SCHIP1: variants seen among roughly 807,000 people sequenced by gnomAD.
The protein encoded by SCHIP1 is schwannomin interacting protein 1.
In SCHIP1, 8 loss-of-function variants were observed where a neutral mutation model predicts 29.7. The observed-to-expected ratio is 0.27, with a 90% CI of 0.16 to 0.49. SCHIP1 has a LOEUF of 0.49. SCHIP1 is among the 20% of genes least tolerant of loss of function. The probability of loss-of-function intolerance (pLI) is 0.99; values close to 1 mark genes in which losing one functional copy is unlikely to be tolerated. For missense variants in SCHIP1, 193 were observed against 294.6 expected, an observed-to-expected ratio of 0.66 and a Z score of 2.52; for synonymous variants, 76 against 94.9, an observed-to-expected ratio of 0.80 and a Z score of 1.16.
chr3:159,543,367 T>TC, the SCHIP1 span, among the ~76,000 whole-genome samples: 1 of 20,884 alleles, frequency 4.8e-5, no homozygotes, highest in East Asian at 2.1e-3. Context: ...CCCTCCCCCC[T>TC]CCCCCCACCC....
the SCHIP1 span, among the ~76,000 whole-genome samples, chr3:159,570,661 G>A: frequency 1.3e-5 from 2 of 152,130 alleles, no homozygotes; most frequent in Admixed American, 6.6e-5. Flanking sequence ...CTTTAAAGTA[G>A]TTTTTTCCAA....
chr3:159,651,172 A>C, the SCHIP1 span, among the ~76,000 whole-genome samples: 1 of 152,232 alleles, frequency 6.6e-6, no homozygotes, highest in Non-Finnish European at 1.5e-5. Flanking sequence ...AAGGGAAAAT[A>C]TACAATTCAT....
the SCHIP1 span, among the ~76,000 whole-genome samples, chr3:159,315,399 T>C: frequency 1.3e-5 from 2 of 149,374 alleles, no homozygotes; most frequent in East Asian, 1.9e-4. Flanking sequence ...CTTTCTTTTT[T>C]TTTTTTTTTT....
At chr3:159,378,035 T>C in the SCHIP1 span, among the ~76,000 whole-genome samples, 4 of 152,202 alleles carry the variant, frequency 2.6e-5, no homozygotes, top group Non-Finnish European at 5.9e-5. Context: ...GAAGGCAGAA[T>C]TGATGACTCT....
chr3:159,572,849 C>G, the SCHIP1 span, among the ~76,000 whole-genome samples: 1 of 151,846 alleles, frequency 6.6e-6, no homozygotes, highest in Non-Finnish European at 1.5e-5. Flanking sequence ...GAATTGATCC[C>G]TTTACCATTA....
At chr3:159,392,661 C>T in the SCHIP1 span, among the ~76,000 whole-genome samples, 3 of 151,854 alleles carry the variant, frequency 2.0e-5, no homozygotes, top group Admixed American at 1.3e-4. Context: ...TTTATGGCTG[C>T]ATAGTATTCC....
the SCHIP1 span, chr3:159,309,328 T>A: frequency 6.5e-6 from 1 of 154,752 alleles, no homozygotes; most frequent in Admixed American, 6.5e-5. Flanking sequence ...TTATTTAGAC[T>A]CCTGTCACTC....
At chr3:159,337,741 A>T in the SCHIP1 span, among the ~76,000 whole-genome samples, 1 of 152,146 alleles carries the variant, frequency 6.6e-6, no homozygotes, top group Non-Finnish European at 1.5e-5. Flanking sequence ...GAAATCTTTG[A>T]ACATGTTCTC....
chr3:159,448,965 C>T, the SCHIP1 span, among the ~76,000 whole-genome samples: 1 of 152,074 alleles, frequency 6.6e-6, no homozygotes, highest in Non-Finnish European at 1.5e-5. Flanking sequence ...AAATATTGTT[C>T]AACTAAGCTT....
At chr3:159,734,774 T>C in the SCHIP1 span, among the ~76,000 whole-genome samples, 1 of 151,394 alleles carries the variant, frequency 6.6e-6, no homozygotes, top group Non-Finnish European at 1.5e-5. Flanking sequence ...CTATTTCTCA[T>C]TTCTTTTCTT....
At chr3:159,714,031 G>C in the SCHIP1 span, among the ~76,000 whole-genome samples, 1 of 152,172 alleles carries the variant, frequency 6.6e-6, no homozygotes, top group African/African-American at 2.4e-5. Context: ...GAGGTCAGGA[G>C]TTTGAGGCCA....
chr3:159,422,384 A>G, the SCHIP1 span, among the ~76,000 whole-genome samples: 1 of 152,324 alleles, frequency 6.6e-6, no homozygotes, highest in South Asian at 2.1e-4. Context: ...TACACACCCG[A>G]AATAAGGGGT....
the SCHIP1 span, among the ~76,000 whole-genome samples, chr3:159,503,804 A>G: frequency 1.3e-5 from 2 of 152,228 alleles, no homozygotes; most frequent in African/African-American, 4.8e-5. Flanking sequence ...AAACCTCCAG[A>G]GTCACATAAA....
chr3:159,608,807 G>C, the SCHIP1 span, among the ~76,000 whole-genome samples: 1 of 152,136 alleles, frequency 6.6e-6, no homozygotes, highest in South Asian at 2.1e-4. Flanking sequence ...TTAAGGATCT[G>C]TGAGAAAAAG....
chr3:159,443,475 C>T, the SCHIP1 span, among the ~76,000 whole-genome samples: 1 of 152,110 alleles, frequency 6.6e-6, no homozygotes, highest in Non-Finnish European at 1.5e-5. Context: ...AAAACTCTGG[C>T]CTCCATCCCA....
the SCHIP1 span, among the ~76,000 whole-genome samples, chr3:159,476,647 T>C: frequency 1.8e-4 from 28 of 152,302 alleles, no homozygotes; most frequent in Middle Eastern, 3.4e-3. Context: ...ATTTATATAA[T>C]GTGATGTACA....
At chr3:159,835,091 G>T (rs1743542358), upstream of SCHIP1, among the ~76,000 whole-genome samples, 2 of 152,222 alleles carry the variant, frequency 1.3e-5, no homozygotes, top group South Asian at 4.2e-4. Flanking sequence ...ATGTCTACTT[G>T]CTTTCCCCAA....
the SCHIP1 span, among the ~76,000 whole-genome samples, chr3:159,553,284 G>T: frequency 5.3e-5 from 8 of 150,584 alleles, no homozygotes; most frequent in Admixed American, 4.6e-4. Flanking sequence ...AAAAGACATG[G>T]AAAAGAAAAA....
chr3:159,602,109 C>A, the SCHIP1 span, among the ~76,000 whole-genome samples: 2 of 152,182 alleles, frequency 1.3e-5, no homozygotes, highest in Non-Finnish European at 2.9e-5. Flanking sequence ...TGGTTCACAT[C>A]GCAGCAGTCT....
Sources: allele counts gnomAD v4.1 joint callset (sites outside exome capture counted in the v4.1 genomes callset), GRCh38; gene constraint gnomAD v4.1.1; transcripts MANE v1.5; gene names NCBI Gene and HGNC (gene_info 2026-07-23, HGNC 2026-07-21).